ARMC12: variants seen among roughly 807,000 people sequenced by gnomAD.
The protein encoded by ARMC12 is armadillo repeat containing 12.
Under a neutral mutation model 37.4 loss-of-function variants are expected in ARMC12, and 25 were observed. The observed-to-expected ratio is 0.67, with a 90% confidence interval of 0.49 to 0.93. The LOEUF is 0.93. ARMC12 is among the 40% of genes least tolerant of loss of function. The probability of loss-of-function intolerance (pLI) is 0.00; values close to 1 mark genes in which losing one functional copy is unlikely to be tolerated. For missense variants in ARMC12, 384 were observed against 426.6 expected (o/e 0.90, Z 0.88); for synonymous variants, 167 against 176.1 (o/e 0.95, Z 0.41).
At chr6:35,738,626 T>C (rs536296646) in intron 3 of ARMC12, 108 bp downstream of exon 3, 335 of 1,433,360 alleles carry the variant, frequency 2.3e-4, no homozygotes, top group Admixed American at 1.8e-3. Flanking sequence ...TGGGTGTGAA[T>C]TTGTAACCCA....
At chr6:35,733,659 C>T (rs1012434055), upstream of ARMC12, among the ~76,000 whole-genome samples, 1 of 152,182 alleles carries the variant, frequency 6.6e-6, no homozygotes, top group African/African-American at 2.4e-5. Context: ...ATGCACACCA[C>T]CACGTCCAGC....
At chr6:35,748,294 C>T (rs1034314981) in intron 5 of ARMC12, among the ~76,000 whole-genome samples, 1 of 152,156 alleles carries the variant, frequency 6.6e-6, no homozygotes, top group Admixed American at 6.5e-5. Flanking sequence ...ATTAGTCACA[C>T]ACTAAGCCTT....
intron 3 of ARMC12, 131 bp from the exon 4 acceptor site, chr6:35,747,130 G>T: frequency 2.0e-5 from 16 of 819,598 alleles, no homozygotes; most frequent in East Asian, 3.7e-5. Flanking sequence ...AAATTATGTT[G>T]AGAGTTAGGG....
At chr6:35,738,735 A>G (rs191667178) in intron 3 of ARMC12, among the ~76,000 whole-genome samples, 1 of 151,952 alleles carries the variant, frequency 6.6e-6, no homozygotes. Context: ...GTATCTCTCA[A>G]CCCCAAAGAG....
At chr6:35,747,533 A>T in intron 4 of ARMC12, 43 bp from the exon 5 acceptor site, 1 of 1,613,224 alleles carries the variant, frequency 6.2e-7, no homozygotes. Context: ...GCTGAGGCCC[A>T]GACTCACCTG....
At position 35,737,281 on chromosome 6, in the gene ARMC12, C is replaced by T. The variant is rs150052894; in HGVS notation, c.163+10C>T. 49 of 1,614,238 alleles carry T rather than the reference C, an allele frequency of 3.0e-5. No individual in the cohort carries two copies. The Admixed American group carries it at 4.0e-4, about 13-fold the overall frequency. Reference sequence around the variant, plus strand: ...CCCATCTGCATCGCCCGTGAGTGTCCGGGCCCTGGGGAGAGGGCTCTGCCC... The same window carrying T: ...CCCATCTGCATCGCCCGTGAGTGTCTGGGCCCTGGGGAGAGGGCTCTGCCC... On this transcript the variant is annotated intron_variant, in intron 1 of 5. Coordinates refer to ENST00000373866, the MANE Select transcript of ARMC12 (RefSeq NM_001286574.2).
intron 3 of ARMC12, among the ~76,000 whole-genome samples, chr6:35,741,851 A>G (rs541782262): frequency 3.3e-5 from 5 of 152,256 alleles, no homozygotes; most frequent in African/African-American, 1.2e-4. Context: ...TGAGAAACAA[A>G]CAGAAAAAAA....
At position 35,738,186 on chromosome 6, in the gene ARMC12, G is replaced by C; in HGVS notation, c.309+14G>C. 1 of 1,608,996 alleles carries C rather than the reference G, an allele frequency of 6.2e-7. No individual in the cohort carries two copies. Among genetic ancestry groups the C allele is most frequent in the Non-Finnish European group, 8.5e-7 (1 of 1,177,476 alleles). ...CTGGAGGCTGAGGTAAGGGAAGCAG[G>C]AGGTCCCCCCTAGCCGGCCTGGCCC... On this transcript the variant is annotated intron_variant, in intron 2 of 5. Transcript: ENST00000373866.
At chr6:35,731,750 G>A in the ARMC12 span, among the ~76,000 whole-genome samples, 1 of 152,278 alleles carries the variant, frequency 6.6e-6, no homozygotes, top group African/African-American at 2.4e-5. Flanking sequence ...CCGGCTCCCA[G>A]TGAGCCCTCT....
chr6:35,740,224 CAT>C (rs1252371894), intron 3 of ARMC12, among the ~76,000 whole-genome samples: 11 of 152,188 alleles, frequency 7.2e-5, no homozygotes. Flanking sequence ...TAAAACACCA[CAT>C]GTCACTTCCC....
chr6:35,741,397 G>A (rs1289954432), intron 3 of ARMC12, among the ~76,000 whole-genome samples: 1 of 149,208 alleles, frequency 6.7e-6, no homozygotes, highest in Non-Finnish European at 1.5e-5. Flanking sequence ...ATAACCTAAC[G>A]TTTGATAATT....
At position 35,748,648 on chromosome 6, in the gene ARMC12, C is replaced by T. The variant is rs1232996933; in HGVS notation, c.801C>T (p.Tyr267=). 2 of 1,613,756 alleles carry T rather than the reference C, an allele frequency of 1.2e-6. No homozygotes were observed. Among genetic ancestry groups the T allele is most frequent in the Admixed American group, 3.3e-5 (2 of 59,994 alleles). The change falls in exon 6 of 6, where the codon TAC becomes TAT. Residue 267 remains tyrosine, a synonymous_variant. Coordinates refer to ENST00000373866, the MANE Select transcript of ARMC12 (RefSeq NM_001286574.2). ...RLSEGRNAPH[Y]HVVKWHYNEQ... is the part of the protein sequence containing the mutation. ...GTGAGGGCCGGAACGCACCCCACTA[C>T]CACGTGGTGAAATGGCATTACAACG... is the stretch of plus-strand genomic sequence containing the variant.
intron 3 of ARMC12, among the ~76,000 whole-genome samples, chr6:35,743,059 C>T (rs893373696): frequency 2.0e-5 from 3 of 152,078 alleles, no homozygotes; most frequent in African/African-American, 4.8e-5. Context: ...TCCTGCGGGT[C>T]GCCACGGCTT....
upstream of ARMC12, among the ~76,000 whole-genome samples, chr6:35,736,598 C>G (rs1263548291): frequency 3.3e-5 from 5 of 152,026 alleles, no homozygotes; most frequent in South Asian, 8.3e-4. Context: ...CTCCTGTGGT[C>G]TCTAAAGCAG....
rs761677208 is a variant in ARMC12, at chr6:35,747,431, A to G, written c.615A>G (p.Ala205=). Residue 205 remains alanine (A), a synonymous_variant, in exon 4 of 6, where the codon GCA becomes GCG. Transcript: ENST00000373866. ...MEILQSDYIL[A]QVQAVRLLSY... ...TCCTGCAGTCAGACTACATCCTGGC[A>G]CAGGTGCCTGAGGACCATGGCCAAG... The G allele has an allele frequency of 6.2e-7, 1 of 1,614,198 alleles. No individual in the cohort carries two copies. Among genetic ancestry groups the G allele is most frequent in the South Asian group, 1.1e-5 (1 of 91,080 alleles).
At position 35,748,600 on chromosome 6, in the gene ARMC12, A is replaced by C; in HGVS notation, c.753A>C (p.Val251=). 1 of 1,595,098 alleles carries C rather than the reference A, an allele frequency of 6.3e-7. No individual in the cohort carries two copies. Residue 251 remains valine, a synonymous_variant, in exon 6 of 6, where the codon GTA becomes GTC. Coordinates refer to ENST00000373866, the MANE Select transcript of ARMC12 (RefSeq NM_001286574.2). The part of the protein sequence containing the change: ...PTQSGSLLYE[V]LVFAERLSEG... ...AGTCAGGGAGTCTCCTGTATGAGGT[A>C]CTGGTGTTTGCTGAGCGGCTGAGTG... is the stretch of plus-strand genomic sequence containing the variant.
intron 3 of ARMC12, among the ~76,000 whole-genome samples, chr6:35,742,227 A>C (rs748699893): frequency 9.3e-5 from 14 of 150,732 alleles, no homozygotes; most frequent in Non-Finnish European, 1.6e-4. Context: ...GGCTGGGCGC[A>C]GTGGTTCAAG....
chr6:35,736,369 G>A (rs1053184686), upstream of ARMC12, among the ~76,000 whole-genome samples: 4 of 152,144 alleles, frequency 2.6e-5, no homozygotes, highest in African/African-American at 9.7e-5. Context: ...ATATGGGAGG[G>A]CCCGGAAAGA....
chr6:35,734,752 A>G (rs539371421), upstream of ARMC12, among the ~76,000 whole-genome samples: 2 of 152,238 alleles, frequency 1.3e-5, no homozygotes, highest in South Asian at 4.1e-4. Flanking sequence ...CAGTGAGCCA[A>G]CATCGCACCA....
Sources: allele counts gnomAD v4.1 joint callset (sites outside exome capture counted in the v4.1 genomes callset), GRCh38; gene constraint gnomAD v4.1.1; transcripts MANE v1.5; gene names NCBI Gene and HGNC (gene_info 2026-07-23, HGNC 2026-07-21).